KCNK3: variants seen among roughly 807,000 people sequenced by gnomAD.
KCNK3 encodes potassium channel subfamily K member 3.
KCNK3 carries 9 observed loss-of-function variants against 27.3 expected under a neutral mutation model. The ratio of observed to expected loss-of-function variants is 0.33; its 90% CI spans 0.20 to 0.57. The LOEUF is 0.57. KCNK3 is among the 20% of genes least tolerant of loss of function. The pLI is 0.87. For missense variants in KCNK3, 391 were observed against 577.7 expected, an observed-to-expected ratio of 0.68 and a Z score of 3.31; for synonymous variants, 278 against 273.8, an observed-to-expected ratio of 1.02 and a Z score of -0.15.
chr2:26,717,076 T>C (rs1338941005), intron 1 of KCNK3, among the ~76,000 whole-genome samples: 1 of 152,246 alleles, frequency 6.6e-6, no homozygotes, highest in African/African-American at 2.4e-5. Flanking sequence ...AAGTATTTAC[T>C]ATCTGGCCCT....
At chr2:26,718,387 T>C (rs1159348727) in intron 1 of KCNK3, among the ~76,000 whole-genome samples, 4 of 152,226 alleles carry the variant, frequency 2.6e-5, no homozygotes, top group African/African-American at 9.6e-5. Flanking sequence ...ACTTTTCAAC[T>C]GTACTTCCTG....
intron 1 of KCNK3, among the ~76,000 whole-genome samples, chr2:26,699,225 G>GAAAGAAAGAAAT (rs1199414501): frequency 1.6e-4 from 24 of 148,634 alleles, no homozygotes; most frequent in Non-Finnish European, 3.1e-4. Context: ...AAGAAAGAAA[G>GAAAGAAAGAAAT]AAAGAAAGAA....
chr2:26,705,878 T>G (rs1385918920), intron 1 of KCNK3, among the ~76,000 whole-genome samples: 5 of 146,294 alleles, frequency 3.4e-5, no homozygotes, highest in South Asian at 2.2e-4. Context: ...GGTAGGGGGG[T>G]GGGGGGCAGG....
rs1663559608 is a variant in KCNK3, at chr2:26,732,548, C to T, written c.*3980C>T. 6.6e-6 allele frequency: 1 copy of T among 152,234 alleles called. No homozygotes were observed. Among genetic ancestry groups the T allele is most frequent in the Non-Finnish European group, 1.5e-5 (1 of 68,076 alleles). The allele number at this position is 152,234 out of a possible 1,614,324, so 9.4% of individuals were successfully genotyped here. A position where few individuals can be genotyped will look rare whatever the true frequency, so the allele number is the denominator to read the frequency against. ...AGTTCAAAGGAAGAAATGATGGCACCTGCACTCCCTGCCCCCAGAGGCAGG... is the reference window on the plus strand; with the variant it reads ...AGTTCAAAGGAAGAAATGATGGCACTTGCACTCCCTGCCCCCAGAGGCAGG... On this transcript the variant is annotated 3_prime_UTR_variant, in exon 2 of 2. Coordinates refer to ENST00000302909, the MANE Select transcript of KCNK3 (RefSeq NM_002246.3).
rs1158690425 is a variant in KCNK3 at position 26,721,523 on chromosome 2, C to T, written c.284-6144C>T. Reference sequence around the variant, plus strand: ...CCTGGTTCCACACTGCTGCCATCCCCACAACTGAGGGGCGGCTCCATGTCT... The same window carrying T: ...CCTGGTTCCACACTGCTGCCATCCCTACAACTGAGGGGCGGCTCCATGTCT... On this transcript the variant is annotated intron_variant, in intron 1 of 1. Transcript: ENST00000302909. This position sits in a 1 kb window ranked among gnomAD's most constrained non-coding sequence, Gnocchi z 4.3. Among the ~76,000 whole-genome samples the T allele has an allele frequency of 1.3e-5, 2 of 152,196 alleles. No homozygotes were observed. Among genetic ancestry groups the T allele is most frequent in the Admixed American group, 1.3e-4 (2 of 15,284 alleles).
chr2:26,697,385 G>A (rs1182631101), intron 1 of KCNK3, among the ~76,000 whole-genome samples: 1 of 152,148 alleles, frequency 6.6e-6, no homozygotes, highest in Non-Finnish European at 1.5e-5. Context: ...CATGCCTGTA[G>A]TCCCAGCTAC....
Position 26,693,266 on chromosome 2 carries a change from G to C in KCNK3, c.283+108G>C, listed in dbSNP as rs1461156628. ...GGCGGGGGCTCCCCCGAGAGGGGCTGGGCGCCGAACCCTGCGCTCGCAGAA... is the reference window on the plus strand; with the variant it reads ...GGCGGGGGCTCCCCCGAGAGGGGCTCGGCGCCGAACCCTGCGCTCGCAGAA... On this transcript the variant is annotated intron_variant, in intron 1 of 1. Coordinates refer to ENST00000302909, the MANE Select transcript of KCNK3 (RefSeq NM_002246.3). The surrounding 1 kb of genome is among the most constrained non-coding windows in gnomAD (Gnocchi z 5.5). 4 of 1,130,556 alleles carry C rather than the reference G, an allele frequency of 3.5e-6. No homozygotes were observed. The highest frequency in any genetic ancestry group is 3.6e-5 in the Admixed American group (1 of 27,960). 70.0% of individuals were successfully genotyped at this position (1,130,556 alleles called of 1,614,324 possible). A position where few individuals can be genotyped will look rare whatever the true frequency, so the allele number is the denominator to read the frequency against.
intron 1 of KCNK3, among the ~76,000 whole-genome samples, chr2:26,701,074 G>A (rs1670301869): frequency 6.6e-6 from 1 of 152,208 alleles, no homozygotes; most frequent in Admixed American, 6.5e-5. Context: ...GCCCCCAAGG[G>A]ACACTGATGC....
In KCNK3 at chr2:26,730,436, T is replaced by C. The variant is rs1663515201; in HGVS notation, c.*1868T>C. 1 of 152,346 alleles carries C rather than the reference T, an allele frequency of 6.6e-6. No homozygotes were observed. Among genetic ancestry groups the C allele is most frequent in the African/African-American group, 2.4e-5 (1 of 41,548 alleles). The allele number at this position is 152,346 out of a possible 1,614,324, so 9.4% of individuals were successfully genotyped here. On this transcript the variant is annotated 3_prime_UTR_variant, in exon 2 of 2. Coordinates refer to ENST00000302909, the MANE Select transcript of KCNK3 (RefSeq NM_002246.3). ...CGAAGGTGATGCTTGAGGCTCACTT[T>C]TGGGGCCCCACAGCTGGAGCCGGTA...
intron 1 of KCNK3, among the ~76,000 whole-genome samples, chr2:26,694,921 C>T (rs1670216540): frequency 1.3e-5 from 2 of 152,144 alleles, no homozygotes; most frequent in Admixed American, 1.3e-4. Context: ...AACTGACCTC[C>T]CTGCCTACCC....
chr2:26,710,741 C>G lies in KCNK3; in HGVS notation c.284-16926C>G, dbSNP rs537033954. 2.0e-4 allele frequency among the ~76,000 whole-genome samples: 30 copies of G among 152,280 alleles called. No homozygotes were observed. In the East Asian group the frequency reaches 5.8e-3, roughly 29 times the overall value. On this transcript the variant is annotated intron_variant, in intron 1 of 1. Transcript: ENST00000302909. ...GCCTTGGGATTCTGAGGCCCTGCTG[C>G]TCCCAGCTTCTCTGGGAGGGCCTGG...
At chr2:26,711,066 C>A (rs1318760235) in intron 1 of KCNK3, among the ~76,000 whole-genome samples, 1 of 152,220 alleles carries the variant, frequency 6.6e-6, no homozygotes, top group Non-Finnish European at 1.5e-5. Flanking sequence ...CAGCCCCTCA[C>A]TGACTGGCTC....
chr2:26,693,158 G>T lies in KCNK3; in HGVS notation c.283G>T (p.Gly95Cys). ...YFAITVITTIGYGHAAPSTDG... is the reference protein window; with the variant it reads ...YFAITVITTICYGHAAPSTDG... The stretch of plus-strand genomic sequence containing the variant: ...CGCCATCACCGTCATCACCACCATC[G>T]GTAACGGCTCGCCGGGCGGGGGGCG... Residue 95 changes from glycine (G) to cysteine (C), a missense_variant and splice_region_variant, in exon 1 of 2, where the codon GGC becomes TGC. Transcript: ENST00000302909. The surrounding 1 kb of genome is among the most constrained non-coding windows in gnomAD (Gnocchi z 5.5). The T allele has an allele frequency of 6.6e-7, 1 of 1,522,034 alleles. No homozygotes were observed. Among genetic ancestry groups the T allele is most frequent in the Non-Finnish European group, 8.9e-7 (1 of 1,127,344 alleles). The allele number at this position is 1,522,034 out of a possible 1,614,324, so 94.3% of individuals were successfully genotyped here.
In KCNK3 at chr2:26,706,725, C is replaced by T. The variant is rs115334224; in HGVS notation, c.283+13567C>T. 7.1e-3 allele frequency among the ~76,000 whole-genome samples: 1,082 copies of T among 152,240 alleles called. 9 individuals are homozygous for T. Among genetic ancestry groups the T allele is most frequent in the Middle Eastern group, 0.017 (5 of 294 alleles). On this transcript the variant is annotated intron_variant, in intron 1 of 1. Coordinates refer to ENST00000302909, the MANE Select transcript of KCNK3 (RefSeq NM_002246.3). ...CTCATCTGCCTGGGCTCCAAAGAGGCCCTGCTGTCCCCTGCCTGCTTCCAG... is the reference window on the plus strand; with the variant it reads ...CTCATCTGCCTGGGCTCCAAAGAGGTCCTGCTGTCCCCTGCCTGCTTCCAG...
chr2:26,700,768 A>G (rs1200368800), intron 1 of KCNK3, among the ~76,000 whole-genome samples: 1 of 148,868 alleles, frequency 6.7e-6, no homozygotes, highest in Admixed American at 6.6e-5. Flanking sequence ...CATCATCACC[A>G]TCATCATCAT....
At chr2:26,713,558 T>G (rs1411924202) in intron 1 of KCNK3, among the ~76,000 whole-genome samples, 18 of 152,032 alleles carry the variant, frequency 1.2e-4, no homozygotes, top group Admixed American at 2.0e-4. Context: ...GGCGGGCGGA[T>G]CCCCTGAGGT....
intron 1 of KCNK3, among the ~76,000 whole-genome samples, chr2:26,719,798 C>A (rs999808860): frequency 1.4e-4 from 21 of 152,176 alleles, no homozygotes; most frequent in African/African-American, 4.8e-4. Flanking sequence ...TTTCACCAGC[C>A]CTTGTTACTC....
At chr2:26,725,571 G>GC (rs1663401937) in intron 1 of KCNK3, among the ~76,000 whole-genome samples, 1 of 152,168 alleles carries the variant, frequency 6.6e-6, no homozygotes, top group Non-Finnish European at 1.5e-5. Context: ...CTGGCTCAGG[G>GC]CCTGCCCAGT....
chr2:26,702,906 G>A (rs1205721763), intron 1 of KCNK3, among the ~76,000 whole-genome samples: 1 of 152,002 alleles, frequency 6.6e-6, no homozygotes, highest in East Asian at 1.9e-4. Context: ...ACTTGAGGTT[G>A]GGAGTTCAAG....
Sources: allele counts gnomAD v4.1 joint callset (sites outside exome capture counted in the v4.1 genomes callset), GRCh38; gene constraint gnomAD v4.1.1; non-coding constraint Gnocchi (gnomAD v3.1); transcripts MANE v1.5; gene names NCBI Gene and HGNC (gene_info 2026-07-23, HGNC 2026-07-21).